RPS6KA2: variants seen among roughly 807,000 people sequenced by gnomAD.
RPS6KA2 encodes the protein ribosomal protein S6 kinase alpha-2.
Under a neutral mutation model 91.8 loss-of-function variants are expected in RPS6KA2, and 42 were observed. The ratio of observed to expected loss-of-function variants is 0.46; its 90% confidence interval spans 0.36 to 0.59. The LOEUF is 0.59. RPS6KA2 is among the 20% of genes least tolerant of loss of function. The pLI is 0.00. For missense variants in RPS6KA2, 798 were observed against 978.5 expected (o/e 0.82, Z 2.46); for synonymous variants, 414 against 393.6 (o/e 1.05, Z -0.61).
At chr6:166,823,529 T>C (rs1365782515) in intron 2 of RPS6KA2, among the ~76,000 whole-genome samples, 1 of 151,728 alleles carries the variant, frequency 6.6e-6, no homozygotes, top group East Asian at 1.9e-4. Context: ...GCTGAAATAA[T>C]GTGATAATAA....
intron 2 of RPS6KA2, among the ~76,000 whole-genome samples, chr6:166,731,354 C>T (rs1007125259): frequency 2.6e-5 from 4 of 152,132 alleles, no homozygotes; most frequent in African/African-American, 9.7e-5. Context: ...AAGCTGCCGA[C>T]TGCCCTAGTA....
intron 1 of RPS6KA2, among the ~76,000 whole-genome samples, chr6:166,542,729 G>A (rs1783701537): frequency 6.6e-6 from 1 of 152,216 alleles, no homozygotes; most frequent in Non-Finnish European, 1.5e-5. Context: ...GGAGAAAGAT[G>A]AGGGCGGTTG....
At chr6:166,748,434 G>A (rs1404369084) in intron 2 of RPS6KA2, among the ~76,000 whole-genome samples, 1 of 152,144 alleles carries the variant, frequency 6.6e-6, no homozygotes, top group Non-Finnish European at 1.5e-5. Context: ...CTGGCCACAG[G>A]CTAGTGAGGG....
intron 2 of RPS6KA2, among the ~76,000 whole-genome samples, chr6:166,655,107 T>A (rs1373232819): frequency 6.6e-6 from 1 of 152,254 alleles, no homozygotes; most frequent in African/African-American, 2.4e-5. Flanking sequence ...CCAACTCTTT[T>A]CAACAGAAGT....
chr6:166,479,375 A>C (rs915693442), intron 10 of RPS6KA2, among the ~76,000 whole-genome samples: 27 of 152,248 alleles, frequency 1.8e-4, no homozygotes, highest in African/African-American at 5.8e-4. Context: ...TGCTGGGGAC[A>C]GGCGGTGGCC....
intron 1 of RPS6KA2, among the ~76,000 whole-genome samples, chr6:166,621,892 G>A (rs565058754): frequency 2.0e-5 from 3 of 152,172 alleles, no homozygotes; most frequent in Admixed American, 1.3e-4. Context: ...TTCACAGCCA[G>A]CAGCCCTGGA....
rs149265430 is a variant in RPS6KA2 at position 166,763,956 on chromosome 6, G to A, written c.123+94244C>T. ...TCCGTCACCAAATGCTGAATTGTGT[G>A]GCAGACACAACACTGTCCATGACCT... On this transcript the variant is annotated intron_variant, in intron 2 of 21. Transcript: ENST00000503859. Among the ~76,000 whole-genome samples the A allele has an allele frequency of 2.6e-5, 4 of 152,350 alleles. No individual in the cohort carries two copies. The East Asian group carries it at 7.7e-4, about 29-fold the overall frequency.
At position 166,434,585 on chromosome 6, in the gene RPS6KA2, C is replaced by T. The variant is rs1045844094; in HGVS notation, c.1333-2095G>A. On this transcript the variant is annotated intron_variant, in intron 14 of 20. Transcript: ENST00000265678. The surrounding 1 kb of genome is among the most constrained non-coding windows in gnomAD (Gnocchi z 4.4). ...CTGTGGGCATCCCGTCTATCGGGGC[C>T]GGGATCCTGTCTTTGCAATTAGAGA... Among the ~76,000 whole-genome samples, 3 of 152,176 alleles carry T rather than the reference C, an allele frequency of 2.0e-5. No individual in the cohort carries two copies. The highest frequency in any genetic ancestry group is 2.1e-4 in the South Asian group (1 of 4,816).
chr6:166,806,263 G>A (rs1298079688), intron 2 of RPS6KA2, among the ~76,000 whole-genome samples: 1 of 152,154 alleles, frequency 6.6e-6, no homozygotes, highest in Non-Finnish European at 1.5e-5. Flanking sequence ...ATGAATATTA[G>A]CATCCAAGAA....
intron 2 of RPS6KA2, among the ~76,000 whole-genome samples, chr6:166,807,502 G>A (rs946781396): frequency 1.3e-5 from 2 of 151,934 alleles, no homozygotes; most frequent in Non-Finnish European, 2.9e-5. Context: ...TCTTCCTAAC[G>A]CACAGCCAGG....
At chr6:166,507,350 A>G (rs1025714400) in intron 5 of RPS6KA2, among the ~76,000 whole-genome samples, 16 of 149,426 alleles carry the variant, frequency 1.1e-4, no homozygotes, top group African/African-American at 4.0e-4. Context: ...CCAGGCAGCA[A>G]TGCACACAGC....
intron 2 of RPS6KA2, among the ~76,000 whole-genome samples, chr6:166,729,909 G>A (rs1164939017): frequency 6.6e-6 from 1 of 152,212 alleles, no homozygotes; most frequent in East Asian, 1.9e-4. Context: ...TGACTGCCAG[G>A]TTGTCTAAAT....
Position 166,627,062 on chromosome 6 carries a change from CGCATCCCCG to C in RPS6KA2, c.-52_-44del. The C allele has an allele frequency of 7.5e-7, 1 of 1,336,300 alleles. No homozygotes were observed. Among genetic ancestry groups the C allele is most frequent in the Non-Finnish European group, 9.7e-7 (1 of 1,028,250 alleles). 82.8% of individuals were successfully genotyped at this position (1,336,300 alleles called of 1,614,324 possible). ...GGAGCAGCCGCAGGGCCGGGGGACG[CGCATCCCCG>C]GCATCCCAGGCGCGGGGCTCAGGTC... On this transcript the variant is annotated 5_prime_UTR_variant, in exon 1 of 21. It removes an upstream start codon present in the reference 5' UTR. Coordinates refer to ENST00000265678, the MANE Select transcript of RPS6KA2 (RefSeq NM_021135.6).
At chr6:166,861,675 C>G (rs1451079704) in intron 1 of RPS6KA2, among the ~76,000 whole-genome samples, 6 of 152,180 alleles carry the variant, frequency 3.9e-5, no homozygotes, top group Non-Finnish European at 8.8e-5. Flanking sequence ...CTCTCTGTTC[C>G]TTGATTCATC....
At chr6:166,833,464 T>C (rs1780237629) in intron 2 of RPS6KA2, among the ~76,000 whole-genome samples, 1 of 152,226 alleles carries the variant, frequency 6.6e-6, no homozygotes, top group Non-Finnish European at 1.5e-5. Flanking sequence ...AATGAATTTT[T>C]ACAAATTTGT....
intron 2 of RPS6KA2, among the ~76,000 whole-genome samples, chr6:166,797,799 C>A (rs1206316784): frequency 6.6e-6 from 1 of 151,920 alleles, no homozygotes; most frequent in Non-Finnish European, 1.5e-5. Flanking sequence ...AAAAATATAT[C>A]AATGTGGAGA....
At chr6:166,679,639 G>T (rs73259086) in intron 2 of RPS6KA2, among the ~76,000 whole-genome samples, 2 of 152,090 alleles carry the variant, frequency 1.3e-5, no homozygotes, top group African/African-American at 4.8e-5. Context: ...TCAACCTGGC[G>T]GCGCTCCTCG....
intron 2 of RPS6KA2, among the ~76,000 whole-genome samples, chr6:166,763,556 C>T (rs1320439719): frequency 6.6e-6 from 1 of 152,222 alleles, no homozygotes; most frequent in African/African-American, 2.4e-5. Flanking sequence ...TATTCTATAA[C>T]GATTTACCAA....
intron 2 of RPS6KA2, among the ~76,000 whole-genome samples, chr6:166,833,934 A>G (rs78764274): frequency 0.021 from 3,135 of 149,432 alleles, 111 homozygotes; most frequent in African/African-American, 0.073. Context: ...GGGTTTCACT[A>G]TGTTGACCAG....
Sources: allele counts gnomAD v4.1 joint callset (sites outside exome capture counted in the v4.1 genomes callset), GRCh38; gene constraint gnomAD v4.1.1; non-coding constraint Gnocchi (gnomAD v3.1); transcripts MANE v1.5; gene names NCBI Gene and HGNC (gene_info 2026-07-23, HGNC 2026-07-21).